The following ANK3 variants were observed in gnomAD, a reference collection of about 807,000 sequenced individuals.
ANK3 encodes ankyrin 3, also known as ankyrin-3.
In ANK3, 57 loss-of-function variants were observed where a neutral mutation model predicts 370.9. That is an observed-to-expected ratio of 0.15 (90% CI 0.12 to 0.19). The LOEUF (loss-of-function observed/expected upper bound fraction) is 0.19, where lower values mean the gene tolerates loss of function less well. Ranked by LOEUF, ANK3 falls within the 10% of genes least tolerant of loss-of-function variation. The pLI, the probability that ANK3 is intolerant of heterozygous loss-of-function variation, is 1.00. For synonymous variants in ANK3, 1,929 were observed against 1,946.3 expected, an observed-to-expected ratio of 0.99 and a Z score of 0.23; for missense variants, 4,439 against 5,302.1, an observed-to-expected ratio of 0.84 and a Z score of 5.06.
intron 2 of ANK3, among the ~76,000 whole-genome samples, chr10:60,548,206 C>CTT (rs537459971): frequency 5.4e-4 from 48 of 88,376 alleles, no homozygotes; most frequent in South Asian, 9.8e-4. Context: ...TAAATATTTC[C>CTT]TTTTTTTTTT....
chr10:60,363,494 G>A (rs768662800), intron 1 of ANK3, among the ~76,000 whole-genome samples: 32 of 152,214 alleles, frequency 2.1e-4, no homozygotes, highest in Non-Finnish European at 3.8e-4. Flanking sequence ...GCAAAATAGG[G>A]AAGATTCCAT....
In ANK3 at chr10:60,396,314, C is replaced by T. The variant is rs954882603; in HGVS notation, c.97-116675G>A. On this transcript the variant is annotated intron_variant, in intron 2 of 43. Coordinates refer to the ANK3 transcript ENST00000373827. ...ATTCCCCAGGAAAAATAAATCAAGA[C>T]AGTGAGGAGCCAGCTGAATCAGGTA... is the stretch of plus-strand genomic sequence containing the variant. Among the ~76,000 whole-genome samples the T allele has an allele frequency of 5.3e-5, 8 of 152,272 alleles. No individual in the cohort carries two copies. In the East Asian group the frequency reaches 1.5e-3, roughly 29 times the overall value.
chr10:60,260,160 G>A (rs900700392), intron 7 of ANK3, among the ~76,000 whole-genome samples: 1 of 152,156 alleles, frequency 6.6e-6, no homozygotes, highest in African/African-American at 2.4e-5. Context: ...TTACCTAGGG[G>A]AGAGAATAGT....
At chr10:60,291,202 C>T (rs927692272) in intron 1 of ANK3, among the ~76,000 whole-genome samples, 18 of 152,034 alleles carry the variant, frequency 1.2e-4, no homozygotes, top group African/African-American at 3.6e-4. Context: ...AAAATAGGAT[C>T]TGTGTTTGTC....
chr10:60,251,879 A>T (rs182617633), intron 7 of ANK3, among the ~76,000 whole-genome samples: 280 of 152,346 alleles, frequency 1.8e-3, no homozygotes, highest in African/African-American at 6.4e-3. Flanking sequence ...GTATTCACTG[A>T]GCCCCTTCCC....
In ANK3 at chr10:60,552,114, GC is replaced by G. The variant is rs749518581; in HGVS notation, c.96+63071del. On this transcript the variant is annotated intron_variant, in intron 2 of 43. Transcript: ENST00000373827. ...CAATGACAACTTCATCAAGGCGGCCGCCTGGACAATACCAAGGATAAGACTT... is the reference window on the plus strand; with the variant it reads ...CAATGACAACTTCATCAAGGCGGCCGCTGGACAATACCAAGGATAAGACTT... Among the ~76,000 whole-genome samples, 71 of 152,288 alleles carry G rather than the reference GC, an allele frequency of 4.7e-4. 1 individual carries two copies. In the Middle Eastern group the frequency reaches 0.014, roughly 29 times the overall value.
At position 60,660,899 on chromosome 10, in the gene ANK3, C is replaced by A. The variant is rs77439648; in HGVS notation, c.58-45675G>T. ...TTGAGAAAAAAAGGAGCAAACCTCTCAGAGTTTTAAATACACACTCACACA... is the reference window on the plus strand; with the variant it reads ...TTGAGAAAAAAAGGAGCAAACCTCTAAGAGTTTTAAATACACACTCACACA... On this transcript the variant is annotated intron_variant, in intron 1 of 43. Coordinates refer to the ANK3 transcript ENST00000373827. Among the ~76,000 whole-genome samples the A allele has an allele frequency of 2.9e-4, 43 of 150,168 alleles. No individual in the cohort carries two copies. The East Asian group carries it at 7.2e-3, about 25-fold the overall frequency.
intron 2 of ANK3, among the ~76,000 whole-genome samples, chr10:60,553,181 T>G (rs1163368168): frequency 6.6e-6 from 1 of 151,958 alleles, no homozygotes; most frequent in Non-Finnish European, 1.5e-5. Flanking sequence ...TACGGGGAGG[T>G]GCTAAAAGGG....
rs11329845 is a variant in ANK3, at chr10:60,673,045, T to TAA, written c.58-57823_58-57822dup. On this transcript the variant is annotated intron_variant, in intron 1 of 43. Transcript: ENST00000373827. ...CAATATATATTTCTGTAAAATTTGG[T>TAA]AAAAAAAAAAAAAATCACCTCTGCA... Among the ~76,000 whole-genome samples, 11 of 147,090 alleles carry TAA rather than the reference T, an allele frequency of 7.5e-5. No homozygotes were observed. The South Asian group carries it at 1.7e-3, about 23-fold the overall frequency.
At chr10:60,671,257 T>C (rs532035743) in intron 1 of ANK3, among the ~76,000 whole-genome samples, 1 of 152,296 alleles carries the variant, frequency 6.6e-6, no homozygotes, top group Admixed American at 6.5e-5. Flanking sequence ...CATCCTCTCT[T>C]TTCTACTACA....
At chr10:60,584,610 C>G (rs1029278782) in intron 2 of ANK3, among the ~76,000 whole-genome samples, 1 of 152,004 alleles carries the variant, frequency 6.6e-6, no homozygotes, top group Admixed American at 6.6e-5. Flanking sequence ...GAGCAAGACC[C>G]CATCTCCTAA....
At chr10:60,718,970 A>C (rs781284593) in intron 1 of ANK3, among the ~76,000 whole-genome samples, 1 of 152,170 alleles carries the variant, frequency 6.6e-6, no homozygotes, top group Non-Finnish European at 1.5e-5. Flanking sequence ...ATTTTAATAT[A>C]TCAAACTATA....
At chr10:60,732,274 G>T (rs1021906499) in intron 1 of ANK3, among the ~76,000 whole-genome samples, 3 of 152,018 alleles carry the variant, frequency 2.0e-5, no homozygotes, top group African/African-American at 7.2e-5. Flanking sequence ...CCCCCTTCCC[G>T]GGACGACTAC....
At chr10:60,234,635 T>C in intron 8 of ANK3, 53 bp downstream of exon 8, 1 of 1,080,626 alleles carries the variant, frequency 9.3e-7, no homozygotes, top group Non-Finnish European at 1.4e-6. Flanking sequence ...TCAGGAAAAG[T>C]ATTCCTACTT....
chr10:60,405,536 A>G (rs781738987), intron 2 of ANK3, among the ~76,000 whole-genome samples: 3 of 152,178 alleles, frequency 2.0e-5, no homozygotes. Flanking sequence ...TTCTGGGGTG[A>G]TAGTAATGTT....
chr10:60,055,601 G>A (rs2079023258), intron 42 of ANK3, 57 bp downstream of exon 42: 2 of 1,524,932 alleles, frequency 1.3e-6, no homozygotes, highest in East Asian at 2.3e-5. Context: ...ATCCAAAGAA[G>A]TAAAGCACCG....
chr10:60,434,792 C>A (rs571031666), intron 2 of ANK3, among the ~76,000 whole-genome samples: 2 of 152,326 alleles, frequency 1.3e-5, no homozygotes, highest in Admixed American at 6.5e-5. Flanking sequence ...TATACACCTG[C>A]AATAACTTTA....
At chr10:60,491,655 T>G (rs1280149779) in intron 2 of ANK3, among the ~76,000 whole-genome samples, 7 of 152,124 alleles carry the variant, frequency 4.6e-5, no homozygotes. Flanking sequence ...ATATCTTAAG[T>G]GCAAAATAAA....
intron 23 of ANK3, chr10:60,140,534 C>A (rs1346216382): frequency 2.8e-6 from 4 of 1,445,454 alleles, no homozygotes; most frequent in Middle Eastern, 1.8e-4. Context: ...TCCTCGTAGG[C>A]AATTGAGGAA....
Sources: gnomAD v4.1 joint callset for allele counts (sites outside exome capture counted in the v4.1 genomes callset) on GRCh38, gnomAD v4.1.1 for gene constraint, MANE v1.5 for transcripts, NCBI Gene and HGNC (gene_info 2026-07-23, HGNC 2026-07-21) for gene names.